CDH4: variants seen among roughly 807,000 people sequenced by gnomAD.
The protein encoded by CDH4 is cadherin-4.
CDH4 carries 33 observed loss-of-function variants against 86.0 expected under a neutral mutation model. The observed-to-expected ratio is 0.38, with a 90% CI of 0.29 to 0.51. CDH4 has a LOEUF of 0.51. Among genes scored for constraint, CDH4 ranks in the 20% least tolerant of loss-of-function variants. The pLI, the probability that CDH4 is intolerant of heterozygous loss-of-function variation, is 0.86. For missense variants in CDH4, 1,114 were observed against 1,307.4 expected (o/e 0.85, Z 2.28); for synonymous variants, 555 against 549.4 (o/e 1.01, Z -0.14).
At chr20:61,927,092 A>T (rs1190120935) in intron 11 of CDH4, among the ~76,000 whole-genome samples, 7 of 152,220 alleles carry the variant, frequency 4.6e-5, no homozygotes, top group African/African-American at 1.7e-4. Context: ...GCGTCACCTT[A>T]AATGTGTTTT....
At chr20:61,526,255 C>T (rs1215642902) in intron 2 of CDH4, among the ~76,000 whole-genome samples, 1 of 151,634 alleles carries the variant, frequency 6.6e-6, no homozygotes, top group East Asian at 1.9e-4. Flanking sequence ...TAGGGATAAA[C>T]ACGACCCGCC....
In CDH4 at chr20:61,789,701, G is replaced by A. The variant is rs146732745; in HGVS notation, c.576+16519G>A. Among the ~76,000 whole-genome samples, 11 of 152,340 alleles carry A rather than the reference G, an allele frequency of 7.2e-5. No homozygotes were observed. The South Asian group carries it at 1.4e-3, about 20-fold the overall frequency. On this transcript the variant is annotated intron_variant, in intron 4 of 15. Transcript: ENST00000614565. ...TGCCAGCGCCTCAGCCCAGCAAACC[G>A]ACATGCAGGCCCAGAGTTAGGCAGG...
chr20:61,384,336 A>T (rs899641695), intron 2 of CDH4, among the ~76,000 whole-genome samples: 1 of 152,136 alleles, frequency 6.6e-6, no homozygotes, highest in African/African-American at 2.4e-5. Flanking sequence ...GGGTCTCCCC[A>T]CAGAGCATGG....
rs149586788 is a variant in CDH4, at chr20:61,583,211, C to T, written c.170-160352C>T. Reference sequence around the variant, plus strand: ...CTCTGCGGAGGGACAGAGGGCTCTGCGGGGGGACAGACGGTTCTGCGGGGG... The same window carrying T: ...CTCTGCGGAGGGACAGAGGGCTCTGTGGGGGGACAGACGGTTCTGCGGGGG... On this transcript the variant is annotated intron_variant, in intron 2 of 15. Coordinates refer to ENST00000614565, the MANE Select transcript of CDH4 (RefSeq NM_001794.5). 9.5e-3 allele frequency among the ~76,000 whole-genome samples: 749 copies of T among 78,680 alleles called. 47 individuals carry two copies. The highest frequency in any genetic ancestry group is 0.038 in the African/African-American group (591 of 15,718). The allele number at this position is 78,680 out of a possible 152,430, so 51.6% of individuals were successfully genotyped here.
intron 11 of CDH4, among the ~76,000 whole-genome samples, chr20:61,926,351 A>G (rs1049441238): frequency 2.0e-5 from 3 of 152,216 alleles, no homozygotes; most frequent in Non-Finnish European, 2.9e-5. Context: ...GAACAAGGGT[A>G]GCCATTGTGC....
chr20:61,284,117 A>G (rs1054321911), intron 2 of CDH4, among the ~76,000 whole-genome samples: 1 of 151,182 alleles, frequency 6.6e-6, no homozygotes, highest in Non-Finnish European at 1.5e-5. Flanking sequence ...CATCCTGGCT[A>G]ACACGGTGAA....
At chr20:61,490,532 C>T (rs1254042689) in intron 2 of CDH4, among the ~76,000 whole-genome samples, 1 of 152,112 alleles carries the variant, frequency 6.6e-6, no homozygotes, top group Non-Finnish European at 1.5e-5. Context: ...AACCCTGTCT[C>T]TACTAAAAAT....
intron 2 of CDH4, among the ~76,000 whole-genome samples, chr20:61,391,057 C>G (rs1230158224): frequency 2.6e-5 from 4 of 152,154 alleles, no homozygotes; most frequent in African/African-American, 9.7e-5. Context: ...CCACAGCACA[C>G]TGCTCCTGTC....
chr20:61,713,148 G>A (rs1003712918), intron 2 of CDH4, among the ~76,000 whole-genome samples: 12 of 152,092 alleles, frequency 7.9e-5, no homozygotes, highest in South Asian at 2.1e-4. Context: ...TGCAAAATAT[G>A]CAAAAATAAG....
intron 2 of CDH4, among the ~76,000 whole-genome samples, chr20:61,340,937 G>A (rs2084646369): frequency 6.6e-6 from 1 of 152,200 alleles, no homozygotes; most frequent in South Asian, 2.1e-4. Flanking sequence ...GTTTCAAAAT[G>A]TGAACTAGGT....
chr20:61,294,923 G>A (rs145774471), intron 2 of CDH4, among the ~76,000 whole-genome samples: 2,598 of 152,288 alleles, frequency 0.017, 23 homozygotes, highest in Middle Eastern at 0.041. Context: ...AACCCCACCC[G>A]AGCTCCACCA....
chr20:61,926,816 T>C lies in CDH4; in HGVS notation c.1772-1374T>C, dbSNP rs1428587072. Among the ~76,000 whole-genome samples, 4 of 152,110 alleles carry C rather than the reference T, an allele frequency of 2.6e-5. No individual in the cohort carries two copies. In the South Asian group the frequency reaches 6.2e-4, roughly 24 times the overall value. ...TGAACCTGGGAGGCAGAGGTTGCAG[T>C]GAGCCAAGATCGCCCCATTGAACTC... On this transcript the variant is annotated intron_variant, in intron 11 of 15. Transcript: ENST00000614565.
Position 61,845,435 on chromosome 20 carries a change from C to A in CDH4, c.732+612C>A, listed in dbSNP as rs563990599. Among the ~76,000 whole-genome samples, 14 of 152,316 alleles carry A rather than the reference C, an allele frequency of 9.2e-5. No individual in the cohort carries two copies. In the South Asian group the frequency reaches 1.9e-3, roughly 20 times the overall value. ...TTCCAGGGGGCGGGCCTTCTCCTCCCGGGCCGAACTGACCCTGGCCGAGAG... is the reference window on the plus strand; with the variant it reads ...TTCCAGGGGGCGGGCCTTCTCCTCCAGGGCCGAACTGACCCTGGCCGAGAG... On this transcript the variant is annotated intron_variant, in intron 5 of 15. Transcript: ENST00000614565.
intron 2 of CDH4, among the ~76,000 whole-genome samples, chr20:61,415,522 G>A (rs1953377646): frequency 6.6e-6 from 1 of 151,738 alleles, no homozygotes; most frequent in African/African-American, 2.4e-5. Flanking sequence ...CATTAAACAC[G>A]CACTCCCAGC....
intron 2 of CDH4, among the ~76,000 whole-genome samples, chr20:61,651,374 A>G (rs6061696): frequency 0.37 from 56,672 of 152,214 alleles, 11,477 homozygotes; most frequent in Non-Finnish European, 0.46. Flanking sequence ...CCAAAGGCAC[A>G]TGTCCCAGCC....
chr20:61,863,469 GC>G (rs1465597151), intron 6 of CDH4, among the ~76,000 whole-genome samples: 1 of 152,232 alleles, frequency 6.6e-6, no homozygotes, highest in South Asian at 2.1e-4. Flanking sequence ...TAGCGCAGAT[GC>G]CACTGGGTGA....
intron 4 of CDH4, among the ~76,000 whole-genome samples, chr20:61,813,651 C>G (rs1213709965): frequency 6.6e-6 from 1 of 152,200 alleles, no homozygotes; most frequent in Non-Finnish European, 1.5e-5. Flanking sequence ...GGCTCAGACT[C>G]TGGCTGTCGG....
At chr20:61,834,708 C>T (rs948551528) in intron 4 of CDH4, among the ~76,000 whole-genome samples, 5 of 133,114 alleles carry the variant, frequency 3.8e-5, no homozygotes, top group Admixed American at 1.5e-4. Flanking sequence ...TGACACTTGG[C>T]GCTGCCTATC....
At chr20:61,456,253 A>C (rs2085406272) in intron 2 of CDH4, among the ~76,000 whole-genome samples, 1 of 152,196 alleles carries the variant, frequency 6.6e-6, no homozygotes, top group African/African-American at 2.4e-5. Flanking sequence ...CTTCAGGCAC[A>C]ATGGGCCTCT....
Sources: allele counts gnomAD v4.1 joint callset (sites outside exome capture counted in the v4.1 genomes callset), GRCh38; gene constraint gnomAD v4.1.1; transcripts MANE v1.5; gene names NCBI Gene and HGNC (gene_info 2026-07-23, HGNC 2026-07-21).